The following TPRN variants were observed in gnomAD, a reference collection of about 807,000 sequenced individuals.
TPRN encodes taperin.
A neutral mutation model predicts 42.6 loss-of-function variants in TPRN; 32 were observed. The observed-to-expected ratio is 0.75, with a 90% CI of 0.57 to 1.01. The LOEUF (loss-of-function observed/expected upper bound fraction) is 1.01. Among genes scored for constraint, TPRN ranks in the 50% least tolerant of loss-of-function variants. The pLI is 0.00. For synonymous variants in TPRN, 541 were observed against 445.6 expected (o/e 1.21, Z -2.70); for missense variants, 1,095 against 957.5 (o/e 1.14, Z -1.90).
intron 1 of TPRN, 95 bp from the exon 2 acceptor site, chr9:137,192,786 A>G: frequency 7.3e-7 from 1 of 1,379,126 alleles, no homozygotes; most frequent in African/African-American, 1.4e-5. Flanking sequence ...AGGCTGACCC[A>G]AGTGGGGCGC....
chr9:137,199,277 C>T lies in TPRN; in HGVS notation c.1435G>A (p.Ala479Thr). ...AAKLPYLPHP[A>T]RPLHPARPGC... is the part of the protein sequence containing the mutation. ...GGCCTGGCAGGGTGCAGAGGCCTGGCAGGGTGCGGGAGGTAGGGTAGTTTG... is the reference window on the plus strand; with the variant it reads ...GGCCTGGCAGGGTGCAGAGGCCTGGTAGGGTGCGGGAGGTAGGGTAGTTTG... Residue 479 changes from alanine (A) to threonine (T), a missense_variant, in exon 1 of 4, where the codon GCC becomes ACC. Physicochemically the swap from Ala to Thr is moderately conservative, Grantham distance 58. Transcript: ENST00000409012. 1.9e-6 allele frequency: 3 copies of T among 1,612,478 alleles called. No homozygotes were observed. Among genetic ancestry groups the T allele is most frequent in the Non-Finnish European group, 1.7e-6 (2 of 1,179,930 alleles).
At chr9:137,194,122 G>A (rs28412124) in intron 1 of TPRN, 3,254 of 152,606 alleles carry the variant, frequency 0.021, 99 homozygotes, top group African/African-American at 0.068. Flanking sequence ...CACCCCAGCC[G>A]TCTGCATGGA....
At chr9:137,195,346 T>C (rs1415027638) in intron 1 of TPRN, among the ~76,000 whole-genome samples, 1 of 152,194 alleles carries the variant, frequency 6.6e-6, no homozygotes, top group East Asian at 1.9e-4. Flanking sequence ...AGGCCGCTCC[T>C]GGGGTTCCCG....
At position 137,199,928 on chromosome 9, in the gene TPRN, G is replaced by T; in HGVS notation, c.784C>A (p.Pro262Thr). The change falls in exon 1 of 4, where the codon CCC becomes ACC. Residue 262 changes from proline to threonine, a missense_variant. Physicochemically the swap from Pro to Thr is conservative, Grantham distance 38. Coordinates refer to ENST00000409012, the MANE Select transcript of TPRN (RefSeq NM_001128228.3). ...GCACTCGGGGTCCCGGGGCTGGGGG[G>T]CGGGTGGAGGGAGGGATCCCCCGAC... ...VESGDPSLHP[P>T]PSPGTPSATP... is the part of the protein sequence containing the mutation. 6.7e-7 allele frequency: 1 copy of T among 1,493,488 alleles called. No individual in the cohort carries two copies. Among genetic ancestry groups the T allele is most frequent in the East Asian group, 2.5e-5 (1 of 40,268 alleles). The allele number at this position is 1,493,488 out of a possible 1,614,324, so 92.5% of individuals were successfully genotyped here.
In TPRN at chr9:137,199,741, C is replaced by A. The variant is rs747130999; in HGVS notation, c.971G>T (p.Arg324Leu). Residue 324 changes from arginine to leucine, a missense_variant, in exon 1 of 4, where the codon CGC becomes CTC. By Grantham distance (102) the Arg-to-Leu change is moderately radical. Coordinates refer to ENST00000409012, the MANE Select transcript of TPRN (RefSeq NM_001128228.3). ...CATGAAAGAATTTCGAGAGTTTGCG[C>A]GGAGGCTGGCCAGCGCCCGGGCCTG... ...DLQARALASLRANSRNSFMVI... is the reference protein window; with the variant it reads ...DLQARALASLLANSRNSFMVI... The A allele has an allele frequency of 3.7e-6, 6 of 1,611,874 alleles. No homozygotes were observed. In the Admixed American group the frequency reaches 1.0e-4, roughly 27 times the overall value.
rs146518581 is a variant in TPRN at position 137,192,674 on chromosome 9, G to C, written c.1743C>G (p.Asn581Lys). Reference protein sequence around the residue: ...SSRKKMKISFNDKSLQTTFEY... With the variant: ...SSRKKMKISFKDKSLQTTFEY... ...CAAATGTGGTCTGCAGGCTTTTGTC[G>C]TTGAAGGAGATCTTCATCTGGGAGT... The change falls in exon 2 of 4, where the codon AAC becomes AAG. Residue 581 changes from asparagine (N) to lysine (K), a missense_variant. Transcript: ENST00000409012. 1 of 1,613,792 alleles carries C rather than the reference G, an allele frequency of 6.2e-7. No homozygotes were observed. The highest frequency in any genetic ancestry group is 8.5e-7 in the Non-Finnish European group (1 of 1,179,968).
chr9:137,199,362 C>A lies in TPRN; in HGVS notation c.1350G>T (p.Arg450Ser), dbSNP rs761650509. ...CGATGAAGGTGACAGGCAGCCCCGG[C>A]CTCACATATTCCCGGCTATTCTTGG... The part of the protein sequence containing the change: ...GLAKNSREYV[R>S]PGLPVTFIDE... The change falls in exon 1 of 4, where the codon AGG (arginine) becomes AGT (serine). Residue 450 changes from arginine (R) to serine (S), a missense_variant. By Grantham distance (110) the Arg-to-Ser change is moderately radical. Coordinates refer to ENST00000409012, the MANE Select transcript of TPRN (RefSeq NM_001128228.3). The A allele has an allele frequency of 5.6e-6, 9 of 1,612,800 alleles. No homozygotes were observed. The highest frequency in any genetic ancestry group is 6.8e-6 in the Non-Finnish European group (8 of 1,180,002).
chr9:137,198,835 C>T (rs906093104), intron 1 of TPRN, 152 bp downstream of exon 1: 20 of 1,491,020 alleles, frequency 1.3e-5, no homozygotes, highest in South Asian at 7.5e-5. Context: ...GGACCCAGCA[C>T]GGCCCACCCA....
At position 137,191,702 on chromosome 9, in the gene TPRN, G is replaced by C; in HGVS notation, c.*410C>G. 2.9e-6 allele frequency: 1 copy of C among 347,022 alleles called. No homozygotes were observed. The highest frequency in any genetic ancestry group is 5.7e-6 in the Non-Finnish European group (1 of 176,904). The allele number at this position is 347,022 out of a possible 1,614,324, so 21.5% of individuals were successfully genotyped here. A position where few individuals can be genotyped will look rare whatever the true frequency, so the allele number is the denominator to read the frequency against. On this transcript the variant is annotated 3_prime_UTR_variant, in exon 4 of 4. Coordinates refer to ENST00000409012, the MANE Select transcript of TPRN (RefSeq NM_001128228.3). ...ACAGAGGGCATGTGGGCTGCGGGCA[G>C]GGGCTTAGGGTCCTGCAGAGGACAA...
chr9:137,192,366 C>T lies in TPRN; in HGVS notation c.1967-1G>A. Reference sequence around the variant, plus strand: ...TGCTTCGGGGTGTAGCTGGACAGGCCTGTGAATGGAGGTGCACATGCAGAC... The same window carrying T: ...TGCTTCGGGGTGTAGCTGGACAGGCTTGTGAATGGAGGTGCACATGCAGAC... On this transcript the variant is annotated splice_acceptor_variant, in intron 2 of 3. Coordinates refer to ENST00000409012, the MANE Select transcript of TPRN (RefSeq NM_001128228.3). LOFTEE classifies it high-confidence loss of function. 6.2e-7 allele frequency: 1 copy of T among 1,612,972 alleles called. No individual in the cohort carries two copies. Among genetic ancestry groups the T allele is most frequent in the Non-Finnish European group, 8.5e-7 (1 of 1,180,000 alleles).
At position 137,200,424 on chromosome 9, in the gene TPRN, G is replaced by A. The variant is rs1310626334; in HGVS notation, c.288C>T (p.Ser96=). 6 of 1,122,056 alleles carry A rather than the reference G, an allele frequency of 5.3e-6. No homozygotes were observed. Among genetic ancestry groups the A allele is most frequent in the Non-Finnish European group, 4.4e-6 (4 of 914,414 alleles). The allele number at this position is 1,122,056 out of a possible 1,614,324, so 69.5% of individuals were successfully genotyped here. The change falls in exon 1 of 4, where the codon AGC becomes AGT. Residue 96 remains serine, a synonymous_variant. Coordinates refer to ENST00000409012, the MANE Select transcript of TPRN (RefSeq NM_001128228.3). The surrounding 1 kb of genome is among the most constrained non-coding windows in gnomAD (Gnocchi z 4.3). ...CGGGCACCGTCTCGATGATGAGGAC[G>A]CTGTCGGCGCGGAGGGCGCGCACGC... ...VPGVRALRAD[S]VLIIETVPGF...
chr9:137,192,325 G>A lies in TPRN; in HGVS notation c.2007C>T (p.Ser669=), dbSNP rs1564383108. The change falls in exon 3 of 4, where the codon AGC becomes AGT. Residue 669 remains serine, a synonymous_variant. Transcript: ENST00000409012. ...SYTPKHSVAF[S]KWQEQALEQA... is the part of the protein sequence containing the mutation. ...GCTCCAGCGCCTGCTCCTGCCACTT[G>A]CTGAAGGCCACAGAGTGCTTCGGGG... 1.2e-6 allele frequency: 2 copies of A among 1,613,042 alleles called. No homozygotes were observed. The highest frequency in any genetic ancestry group is 1.7e-6 in the Non-Finnish European group (2 of 1,180,032).
chr9:137,194,452 T>A (rs1209537953), intron 1 of TPRN: 2 of 152,370 alleles, frequency 1.3e-5, no homozygotes, highest in Non-Finnish European at 1.5e-5. Flanking sequence ...GGGTTTCCAG[T>A]CGCCCTGGAT....
At chr9:137,198,112 C>G (rs774769424) in intron 1 of TPRN, among the ~76,000 whole-genome samples, 1 of 152,134 alleles carries the variant, frequency 6.6e-6, no homozygotes, top group Non-Finnish European at 1.5e-5. Flanking sequence ...TGGGGCAGTG[C>G]CTGGATAGGA....
rs372125769 is a variant in TPRN, at chr9:137,192,133, G to A, written c.2115C>T (p.Ser705=). The A allele has an allele frequency of 6.1e-5, 98 of 1,613,436 alleles. No homozygotes were observed. The highest frequency in any genetic ancestry group is 1.4e-4 in the South Asian group (13 of 91,086). Reference sequence around the variant, plus strand: ...GGGCTCAGAAATACAGGGCTGGCTCGCTGCGGAAGTCCGAGAGGTCATTCT... The same window carrying A: ...GGGCTCAGAAATACAGGGCTGGCTCACTGCGGAAGTCCGAGAGGTCATTCT... ...ASQNDLSDFR[S]EPALYF is the part of the protein sequence containing the mutation. The change falls in exon 4 of 4, where the codon AGC becomes AGT. Residue 705 remains serine (S), a synonymous_variant. Transcript: ENST00000409012.
At chr9:137,193,799 C>G (rs2131349718) in intron 1 of TPRN, 1 of 152,614 alleles carries the variant, frequency 6.6e-6, no homozygotes, top group South Asian at 2.1e-4. Context: ...GAGCCGGGCC[C>G]CAGGCAGAGA....
At position 137,199,760 on chromosome 9, in the gene TPRN, G is replaced by A. The variant is rs374735561; in HGVS notation, c.952C>T (p.Arg318Trp). The A allele has an allele frequency of 8.1e-5, 131 of 1,611,430 alleles. 1 individual carries two copies. In the African/African-American group the frequency reaches 1.3e-3, roughly 16 times the overall value. Residue 318 changes from arginine to tryptophan, a missense_variant, in exon 1 of 4, where the codon CGG becomes TGG. Arg to Trp is a moderately radical substitution (Grantham distance 101). Transcript: ENST00000409012. ...TTTGCGCGGAGGCTGGCCAGCGCCC[G>A]GGCCTGGAGGTCCCCCAAGGGGATG... The part of the protein sequence containing the change: ...ETIPLGDLQA[R>W]ALASLRANSR...
intron 1 of TPRN, chr9:137,193,556 C>G (rs1208190558): frequency 1.3e-5 from 2 of 152,332 alleles, no homozygotes; most frequent in Non-Finnish European, 2.9e-5. Context: ...ATGGTCAGGA[C>G]TCTCCACCTC....
In TPRN at chr9:137,192,001, G is replaced by A; in HGVS notation, c.*111C>T. 1 of 1,343,664 alleles carries A rather than the reference G, an allele frequency of 7.4e-7. No individual in the cohort carries two copies. Among genetic ancestry groups the A allele is most frequent in the East Asian group, 2.4e-5 (1 of 41,192 alleles). 83.2% of individuals were successfully genotyped at this position (1,343,664 alleles called of 1,614,324 possible). A position where few individuals can be genotyped will look rare whatever the true frequency, so the allele number is the denominator to read the frequency against. On this transcript the variant is annotated 3_prime_UTR_variant, in exon 4 of 4. Transcript: ENST00000409012. ...GCTTCCAGGGCCAGGAGGGGTGGGT[G>A]GGATACAGTGAGGCCAAACAAGGCA...
Sources: gnomAD v4.1 joint callset for allele counts (sites outside exome capture counted in the v4.1 genomes callset) on GRCh38, gnomAD v4.1.1 for gene constraint, Gnocchi (gnomAD v3.1) non-coding constraint, MANE v1.5 for transcripts, NCBI Gene and HGNC (gene_info 2026-07-23, HGNC 2026-07-21) for gene names.